PPFIA1: variants seen among roughly 807,000 people sequenced by gnomAD.
The protein encoded by PPFIA1 is liprin-alpha-1.
A neutral mutation model predicts 149.9 loss-of-function variants in PPFIA1; 25 were observed. That is an observed-to-expected ratio of 0.17 (90% CI 0.12 to 0.23). The LOEUF is 0.23. Among genes scored for constraint, PPFIA1 ranks in the 10% least tolerant of loss-of-function variants. PPFIA1 has a pLI of 1.00. For missense variants in PPFIA1, 1,362 were observed against 1,506.5 expected, an observed-to-expected ratio of 0.90 and a Z score of 1.59; for synonymous variants, 549 against 552.8, an observed-to-expected ratio of 0.99 and a Z score of 0.10.
chr11:70,279,981 T>C (rs1000560449), intron 2 of PPFIA1, among the ~76,000 whole-genome samples: 2 of 150,510 alleles, frequency 1.3e-5, no homozygotes, highest in African/African-American at 4.9e-5. Flanking sequence ...CAGTCTCAGC[T>C]CACTGCAGCA....
chr11:70,330,440 A>G (rs2054584920), intron 8 of PPFIA1, 121 bp downstream of exon 8: 2 of 849,518 alleles, frequency 2.4e-6, no homozygotes, highest in Non-Finnish European at 3.4e-6. Flanking sequence ...TGACCTTAGA[A>G]TATTATGTTC....
chr11:70,309,893 G>A (rs1348128821), intron 2 of PPFIA1, among the ~76,000 whole-genome samples: 3 of 152,008 alleles, frequency 2.0e-5, no homozygotes, highest in Non-Finnish European at 4.4e-5. Context: ...GGGTTTTTTT[G>A]GGGGGTGACG....
intron 17 of PPFIA1, among the ~76,000 whole-genome samples, chr11:70,355,320 T>C (rs532528532): frequency 1.3e-5 from 2 of 152,292 alleles, no homozygotes; most frequent in East Asian, 3.9e-4. Flanking sequence ...GGTTCTCAGC[T>C]GAGTAGAGTA....
At chr11:70,327,488 A>C (rs1480545268) in intron 7 of PPFIA1, 1 of 152,374 alleles carries the variant, frequency 6.6e-6, no homozygotes, top group East Asian at 1.9e-4. Flanking sequence ...TTTGATCATG[A>C]ATGCCGGGCG....
intron 2 of PPFIA1, among the ~76,000 whole-genome samples, chr11:70,279,879 G>A (rs776181083): frequency 5.4e-5 from 6 of 110,324 alleles, no homozygotes; most frequent in African/African-American, 9.6e-5. Context: ...GTGAGCCACC[G>A]TGTCCGGCCT....
At chr11:70,281,321 C>T (rs1421314451) in intron 2 of PPFIA1, among the ~76,000 whole-genome samples, 1 of 152,184 alleles carries the variant, frequency 6.6e-6, no homozygotes, top group Non-Finnish European at 1.5e-5. Flanking sequence ...TGACCAGAGG[C>T]TGGGATTCAG....
chr11:70,287,176 C>T (rs7943547), intron 2 of PPFIA1, among the ~76,000 whole-genome samples: 3 of 151,874 alleles, frequency 2.0e-5, no homozygotes, highest in East Asian at 3.9e-4. Flanking sequence ...AATGCATGTA[C>T]AGCTGCCTTT....
chr11:70,321,027 T>TC (rs1446759850), intron 2 of PPFIA1, among the ~76,000 whole-genome samples: 8 of 152,190 alleles, frequency 5.3e-5, no homozygotes, highest in African/African-American at 1.9e-4. Flanking sequence ...ACTTTTGTGT[T>TC]CCCTGCTCTG....
chr11:70,295,082 A>G (rs1266222877), intron 2 of PPFIA1, among the ~76,000 whole-genome samples: 2 of 152,130 alleles, frequency 1.3e-5, no homozygotes, highest in African/African-American at 4.8e-5. Context: ...CACCTCCCAG[A>G]CGGGGTGGTG....
At chr11:70,369,430 A>C (rs2057118654) in intron 21 of PPFIA1, among the ~76,000 whole-genome samples, 1 of 152,188 alleles carries the variant, frequency 6.6e-6, no homozygotes, top group Non-Finnish European at 1.5e-5. Context: ...ACTGATCTAT[A>C]GTTTTGTTAC....
chr11:70,313,431 G>C (rs1317373318), intron 2 of PPFIA1, among the ~76,000 whole-genome samples: 2 of 152,184 alleles, frequency 1.3e-5, no homozygotes, highest in African/African-American at 4.8e-5. Context: ...GGAAAACATA[G>C]AGAATGGATC....
chr11:70,279,582 T>C (rs1298088455), intron 2 of PPFIA1, among the ~76,000 whole-genome samples: 1 of 152,090 alleles, frequency 6.6e-6, no homozygotes, highest in African/African-American at 2.4e-5. Flanking sequence ...TAGGCATTTT[T>C]TTTTTTTTTG....
At chr11:70,346,174 T>A (rs574641094) in intron 15 of PPFIA1, among the ~76,000 whole-genome samples, 1 of 152,358 alleles carries the variant, frequency 6.6e-6, no homozygotes, top group South Asian at 2.1e-4. Context: ...TGGCTTGGCC[T>A]AGGGACACAG....
In PPFIA1 at chr11:70,350,530, AT is replaced by A. The variant is rs1261991993; in HGVS notation, c.2163+2111del. Among the ~76,000 whole-genome samples, 3 of 152,232 alleles carry A rather than the reference AT, an allele frequency of 2.0e-5. No homozygotes were observed. The East Asian group carries it at 5.8e-4, about 29-fold the overall frequency. ...TAAATTTATTTTTGAAAAGTGGTAA[AT>A]CAAATTCTAGGTAAGGATTTTACAT... On this transcript the variant is annotated intron_variant, in intron 16 of 27. Transcript: ENST00000253925.
At chr11:70,353,578 G>A (rs576574054) in intron 16 of PPFIA1, among the ~76,000 whole-genome samples, 7 of 152,132 alleles carry the variant, frequency 4.6e-5, no homozygotes, top group East Asian at 3.8e-4. Context: ...GCACATGGGC[G>A]TATTCACGTT....
At chr11:70,331,637 A>G (rs2054669627) in intron 8 of PPFIA1, among the ~76,000 whole-genome samples, 1 of 151,938 alleles carries the variant, frequency 6.6e-6, no homozygotes. Flanking sequence ...AAAATTAGCC[A>G]GACCTGGTGG....
chr11:70,276,649 G>A (rs2050395277), intron 2 of PPFIA1, among the ~76,000 whole-genome samples: 1 of 152,028 alleles, frequency 6.6e-6, no homozygotes, highest in African/African-American at 2.4e-5. Context: ...AAACCAGCTG[G>A]TACAGGGTTT....
At chr11:70,299,412 T>C (rs954871468) in intron 2 of PPFIA1, among the ~76,000 whole-genome samples, 4 of 152,204 alleles carry the variant, frequency 2.6e-5, no homozygotes, top group African/African-American at 9.6e-5. Flanking sequence ...TAGGGATTTC[T>C]TTTCATGTTA....
At chr11:70,333,149 C>T (rs2054769281) in intron 9 of PPFIA1, 4 of 495,124 alleles carry the variant, frequency 8.1e-6, no homozygotes, top group Admixed American at 2.3e-5. Flanking sequence ...TTCTGCTTTC[C>T]ATGCTTACTA....
Sources: gnomAD v4.1 joint callset for allele counts (sites outside exome capture counted in the v4.1 genomes callset) on GRCh38, gnomAD v4.1.1 for gene constraint, MANE v1.5 for transcripts, NCBI Gene and HGNC (gene_info 2026-07-23, HGNC 2026-07-21) for gene names.